C10orf143: variants seen among roughly 807,000 people sequenced by gnomAD.
C10orf143 encodes chromosome 10 open reading frame 143, also known as uncharacterized protein C10orf143.
intron 1 of C10orf143, among the ~76,000 whole-genome samples, chr10:130,099,087 C>CA (rs34244340): frequency 0.099 from 7,567 of 76,336 alleles, 715 homozygotes; most frequent in African/African-American, 0.26. Flanking sequence ...GACACCATCT[C>CA]AAAAAAAAAA....
chr10:130,046,298 T>C (rs921902045), intron 3 of C10orf143, among the ~76,000 whole-genome samples: 1 of 151,936 alleles, frequency 6.6e-6, no homozygotes, highest in African/African-American at 2.4e-5. Flanking sequence ...GGGCGCACTC[T>C]CGGGCTCCCT....
chr10:130,102,892 G>A lies in C10orf143; in HGVS notation c.69+7812C>T, dbSNP rs1026751745. ...TCCACCTTTCTTCTGGTCAGTGTTA[G>A]CGTGATTTTTTTTGCGTCCTTTTAT... On this transcript the variant is annotated intron_variant, in intron 1 of 3. Transcript: ENST00000637128. Among the ~76,000 whole-genome samples, 4 of 151,484 alleles carry A rather than the reference G, an allele frequency of 2.6e-5. No individual in the cohort carries two copies. The South Asian group carries it at 8.3e-4, about 32-fold the overall frequency.
downstream of C10orf143, among the ~76,000 whole-genome samples, chr10:130,061,461 C>T (rs1000809518): frequency 6.6e-5 from 10 of 152,136 alleles, no homozygotes; most frequent in African/African-American, 2.4e-4. Context: ...AAATGAGTTT[C>T]GTAAGTTGTT....
At chr10:130,044,271 G>A (rs1432527747) in intron 3 of C10orf143, among the ~76,000 whole-genome samples, 3 of 152,184 alleles carry the variant, frequency 2.0e-5, no homozygotes, top group African/African-American at 7.2e-5. Flanking sequence ...AGCCTGATGG[G>A]GGCCGAGCTG....
chr10:130,102,059 G>A (rs1021915103), intron 1 of C10orf143, among the ~76,000 whole-genome samples: 2 of 151,948 alleles, frequency 1.3e-5, no homozygotes, highest in African/African-American at 4.8e-5. Flanking sequence ...CTTGAGCCCA[G>A]GAGTTTGAGA....
At chr10:130,095,474 C>T (rs559058450) in intron 1 of C10orf143, among the ~76,000 whole-genome samples, 25 of 152,198 alleles carry the variant, frequency 1.6e-4, no homozygotes, top group Middle Eastern at 3.4e-3. Context: ...AAAAAGAGCC[C>T]GCATAGCCAA....
downstream of C10orf143, among the ~76,000 whole-genome samples, chr10:130,061,127 GA>G (rs1331018462): frequency 2.0e-5 from 3 of 152,142 alleles, no homozygotes; most frequent in Non-Finnish European, 2.9e-5. Flanking sequence ...ACAGGAGTGG[GA>G]CCTTGTCTCA....
At chr10:130,055,508 G>C (rs933916529) in intron 3 of C10orf143, among the ~76,000 whole-genome samples, 16 of 152,216 alleles carry the variant, frequency 1.1e-4, no homozygotes, top group Non-Finnish European at 2.2e-4. Context: ...ACAACTTGCA[G>C]TGATTGCCCC....
chr10:130,049,112 T>C (rs1167586870), intron 3 of C10orf143, among the ~76,000 whole-genome samples: 1 of 152,200 alleles, frequency 6.6e-6, no homozygotes, highest in Non-Finnish European at 1.5e-5. Flanking sequence ...GGTTTACCCC[T>C]GAGAGACAAG....
At chr10:130,048,667 T>G (rs1349073475) in intron 3 of C10orf143, among the ~76,000 whole-genome samples, 1 of 152,178 alleles carries the variant, frequency 6.6e-6, no homozygotes, top group Non-Finnish European at 1.5e-5. Context: ...CAAGTCTTCC[T>G]GTAGACCACG....
At chr10:130,105,733 TCC>T (rs112378764) in intron 1 of C10orf143, among the ~76,000 whole-genome samples, 1 of 148,122 alleles carries the variant, frequency 6.8e-6, no homozygotes, top group Non-Finnish European at 1.5e-5. Context: ...TCCGTTCCCC[TCC>T]CCCCCCAAAC....
chr10:130,057,699 C>A (rs984225393), intron 3 of C10orf143, among the ~76,000 whole-genome samples: 20 of 152,186 alleles, frequency 1.3e-4, no homozygotes, highest in African/African-American at 4.8e-4. Context: ...TAATCCTATG[C>A]CACTGTGGCC....
chr10:130,106,924 GAA>G, intron 1 of C10orf143: 1 of 1,012,754 alleles, frequency 9.9e-7, no homozygotes, highest in Non-Finnish European at 1.6e-6. Context: ...ACTTAGAAGT[GAA>G]CAGTGAATCA....
chr10:130,108,195 T>C (rs1564973755), intron 1 of C10orf143: 4 of 1,562,896 alleles, frequency 2.6e-6, no homozygotes, highest in Non-Finnish European at 8.8e-7. Context: ...GCACCTCCTT[T>C]CCCCCCACCT....
intron 3 of C10orf143, among the ~76,000 whole-genome samples, chr10:130,040,207 C>T (rs1401093212): frequency 6.6e-6 from 1 of 152,282 alleles, no homozygotes; most frequent in East Asian, 1.9e-4. Context: ...CCCCAGCCCC[C>T]AGTCCCTGCT....
chr10:130,036,635 G>A (rs1490894076), intron 3 of C10orf143, among the ~76,000 whole-genome samples: 1 of 152,184 alleles, frequency 6.6e-6, no homozygotes, highest in African/African-American at 2.4e-5. Context: ...CGTTTCAATA[G>A]TATTTGACAA....
rs139940783 is a variant in C10orf143 at position 130,037,425 on chromosome 10, C to T, written c.298-1455G>A. Among the ~76,000 whole-genome samples the T allele has an allele frequency of 1.3e-3, 200 of 152,338 alleles. 2 individuals are homozygous for T. The highest frequency in any genetic ancestry group is 4.6e-3 in the African/African-American group (191 of 41,584). On this transcript the variant is annotated intron_variant and NMD_transcript_variant, in intron 3 of 5. Coordinates refer to the C10orf143 transcript ENST00000643056. The stretch of plus-strand genomic sequence containing the variant: ...AAGGCTCACTCCCAAGCCCATCGTT[C>T]ACAAGCCCTGCCTGCTGTGGGTGGA...
intron 3 of C10orf143, among the ~76,000 whole-genome samples, chr10:130,077,568 C>T (rs1861139381): frequency 1.3e-5 from 2 of 152,364 alleles, no homozygotes; most frequent in South Asian, 4.1e-4. Context: ...GGAGAGTGGG[C>T]AGGCCCACGT....
Position 130,079,752 on chromosome 10 carries a change from C to T in C10orf143, c.219G>A (p.Gly73=), listed in dbSNP as rs947371367. 3.0e-5 allele frequency: 12 copies of T among 398,550 alleles called. No homozygotes were observed. Among genetic ancestry groups the T allele is most frequent in the Non-Finnish European group, 4.9e-5 (11 of 226,090 alleles). The allele number at this position is 398,550 out of a possible 1,614,324, so 24.7% of individuals were successfully genotyped here. A position where few individuals can be genotyped will look rare whatever the true frequency, so the allele number is the denominator to read the frequency against. Residue 73 remains glycine, a synonymous_variant, in exon 2 of 4, where the codon GGG becomes GGA. Transcript: ENST00000637128. ...LPAPRPESGQ[G]RLSTGISQNG... ...AGGAACATACCCCTGTACTTAGCCT[C>T]CCCTGGCCACTCTCTGGCCTTGGTG...
Sources: gnomAD v4.1 joint callset for allele counts (sites outside exome capture counted in the v4.1 genomes callset) on GRCh38, gnomAD v4.1.1 for gene constraint, MANE v1.5 for transcripts, NCBI Gene and HGNC (gene_info 2026-07-23, HGNC 2026-07-21) for gene names.